Variants in KAZN observed in about 807,000 individuals in gnomAD.
The protein encoded by KAZN is kazrin, periplakin interacting protein.
A neutral mutation model predicts 87.4 loss-of-function variants in KAZN; 40 were observed. That is an observed-to-expected ratio of 0.46 (90% CI 0.36 to 0.60). The LOEUF is 0.60. Among genes scored for constraint, KAZN ranks in the 20% least tolerant of loss-of-function variants. The pLI is 0.00. For missense variants in KAZN, 898 were observed against 1,073.9 expected (o/e 0.84, Z 2.29); for synonymous variants, 466 against 458.3 (o/e 1.02, Z -0.22).
intron 1 of KAZN, among the ~76,000 whole-genome samples, chr1:13,896,652 C>T (rs531406988): frequency 6.6e-6 from 1 of 152,252 alleles, no homozygotes; most frequent in South Asian, 2.1e-4. Flanking sequence ...CAGGGGTTGC[C>T]CGCATGCCCA....
At chr1:14,906,888 G>A (rs1656649099) in intron 1 of KAZN, among the ~76,000 whole-genome samples, 1 of 151,660 alleles carries the variant, frequency 6.6e-6, no homozygotes, top group Non-Finnish European at 1.5e-5. Flanking sequence ...GTTCCCTAGG[G>A]CTGAGATTTA....
intron 2 of KAZN, among the ~76,000 whole-genome samples, chr1:14,971,074 C>A (rs1204793552): frequency 6.6e-6 from 1 of 152,138 alleles, no homozygotes; most frequent in Admixed American, 6.5e-5. Context: ...CTCAGTTTCC[C>A]CATCTATAAA....
chr1:14,550,980 G>A (rs1452077729), intron 2 of KAZN, among the ~76,000 whole-genome samples: 7 of 151,044 alleles, frequency 4.6e-5, no homozygotes, highest in African/African-American at 1.2e-4. Flanking sequence ...CCCCTATCCC[G>A]GCTACTTTGT....
chr1:15,088,758 C>T (rs567261892), intron 8 of KAZN, among the ~76,000 whole-genome samples: 152 of 152,196 alleles, frequency 1.0e-3, no homozygotes, highest in Non-Finnish European at 1.8e-3. Flanking sequence ...CTCGTTGGTG[C>T]TCAGTCCTCA....
At chr1:14,180,481 T>G (rs201960019) in exon 2 of KAZN, 7 of 1,550,432 alleles carry the variant, frequency 4.5e-6, no homozygotes, top group Admixed American at 2.0e-5. Context: ...CCCATTTTAT[T>G]GTCACCAAGT....
intron 2 of KAZN, among the ~76,000 whole-genome samples, chr1:14,460,288 C>T (rs770981008): frequency 6.6e-6 from 1 of 152,232 alleles, no homozygotes; most frequent in African/African-American, 2.4e-5. Flanking sequence ...GCATCCCCAC[C>T]AAGCTGCCCC....
intron 2 of KAZN, among the ~76,000 whole-genome samples, chr1:14,365,595 A>AG (rs1339067309): frequency 3.3e-5 from 5 of 152,216 alleles, no homozygotes; most frequent in African/African-American, 1.2e-4. Context: ...AATTTGTGGC[A>AG]GGTAATTCCT....
At chr1:14,559,223 C>A (rs1343117514) in intron 2 of KAZN, among the ~76,000 whole-genome samples, 1 of 152,074 alleles carries the variant, frequency 6.6e-6, no homozygotes. Context: ...GTTGGCTCTT[C>A]TAGTGCTGGA....
intron 2 of KAZN, among the ~76,000 whole-genome samples, chr1:14,247,890 G>A (rs1271536990): frequency 6.6e-6 from 1 of 152,168 alleles, no homozygotes; most frequent in South Asian, 2.1e-4. Flanking sequence ...TGGCTCATGT[G>A]TGTGGGAAGC....
chr1:15,016,221 T>G (rs1670084099), intron 2 of KAZN, among the ~76,000 whole-genome samples: 1 of 152,146 alleles, frequency 6.6e-6, no homozygotes, highest in Admixed American at 6.5e-5. Context: ...TGGAGGAGAC[T>G]TTGAAGGGGA....
chr1:14,851,792 A>G (rs1649476437), intron 1 of KAZN, among the ~76,000 whole-genome samples: 1 of 152,164 alleles, frequency 6.6e-6, no homozygotes, highest in African/African-American at 2.4e-5. Context: ...AAGGGATGTC[A>G]GCTCTTCCTG....
intron 2 of KAZN, among the ~76,000 whole-genome samples, chr1:14,256,453 G>A (rs6702169): frequency 0.19 from 28,949 of 152,034 alleles, 3,103 homozygotes; most frequent in Middle Eastern, 0.32. Context: ...TGAGGCAGAG[G>A]GGAAAGGAGT....
intron 1 of KAZN, among the ~76,000 whole-genome samples, chr1:14,828,343 T>G (rs951456807): frequency 2.6e-5 from 4 of 152,290 alleles, no homozygotes; most frequent in African/African-American, 9.6e-5. Context: ...ATTTTCGTCC[T>G]ATTTTATTTG....
intron 2 of KAZN, among the ~76,000 whole-genome samples, chr1:14,390,105 A>G (rs1662290082): frequency 6.6e-6 from 1 of 152,008 alleles, no homozygotes; most frequent in African/African-American, 2.4e-5. Context: ...TTTTTTTTCC[A>G]TTTGCAAAAA....
intron 1 of KAZN, among the ~76,000 whole-genome samples, chr1:14,779,664 T>C (rs1645275786): frequency 6.6e-6 from 1 of 152,230 alleles, no homozygotes; most frequent in Non-Finnish European, 1.5e-5. Flanking sequence ...AATTTCCTGC[T>C]GACAGGCTCT....
chr1:14,307,854 A>C (rs1471009118), intron 2 of KAZN, among the ~76,000 whole-genome samples: 1 of 152,260 alleles, frequency 6.6e-6, no homozygotes, highest in Non-Finnish European at 1.5e-5. Flanking sequence ...AAGAAATAGT[A>C]ACTTTGCATC....
intron 1 of KAZN, among the ~76,000 whole-genome samples, chr1:14,163,852 C>T (rs567860192): frequency 7.9e-5 from 12 of 152,254 alleles, no homozygotes; most frequent in African/African-American, 2.6e-4. Context: ...TAAATTCTGC[C>T]GTTACGTAGC....
At chr1:14,776,933 CAAAAAAAAAAA>C (rs56275592) in intron 1 of KAZN, among the ~76,000 whole-genome samples, 1 of 113,132 alleles carries the variant, frequency 8.8e-6, no homozygotes, top group Admixed American at 9.0e-5. Flanking sequence ...TACCCTGTCT[CAAAAAAAAAAA>C]AAAAAAAAAA....
chr1:14,604,470 T>G (rs1235454060), intron 1 of KAZN, among the ~76,000 whole-genome samples: 1 of 152,164 alleles, frequency 6.6e-6, no homozygotes, highest in Non-Finnish European at 1.5e-5. Context: ...AAGGAACGCC[T>G]TCTTCCTCCC....
Sources: gnomAD v4.1 joint callset for allele counts (sites outside exome capture counted in the v4.1 genomes callset) on GRCh38, gnomAD v4.1.1 for gene constraint, MANE v1.5 for transcripts, NCBI Gene and HGNC (gene_info 2026-07-23, HGNC 2026-07-21) for gene names.